Variants in CFAP298 observed in about 807,000 individuals in gnomAD.
CFAP298 encodes cilia and flagella associated protein 298.
A neutral mutation model predicts 41.0 loss-of-function variants in CFAP298; 38 were observed. The ratio of observed to expected loss-of-function variants is 0.93; its 90% CI spans 0.72 to 1.22. The LOEUF (loss-of-function observed/expected upper bound fraction) is 1.22, where lower values mean the gene tolerates loss of function less well. Among genes scored for constraint, CFAP298 ranks in the 50% most tolerant of loss-of-function variants. The pLI is 0.00. For synonymous variants in CFAP298, 137 were observed against 135.3 expected (o/e 1.01, Z -0.09); for missense variants, 348 against 360.3 (o/e 0.97, Z 0.28).
At position 32,602,375 on chromosome 21, in the gene CFAP298, G is replaced by A. The variant is rs1382465272; in HGVS notation, c.667-8C>T. 1 of 1,609,564 alleles carries A rather than the reference G, an allele frequency of 6.2e-7. No individual in the cohort carries two copies. Among genetic ancestry groups the A allele is most frequent in the Non-Finnish European group, 8.5e-7 (1 of 1,179,266 alleles). On this transcript the variant is annotated splice_region_variant and splice_polypyrimidine_tract_variant and intron_variant, in intron 5 of 6. Transcript: ENST00000290155. ...TGGAGCTCCCTGTCCCCTCTGCAAA[G>A]AGGAGAGCAGAGCAAATTGTGGATT...
At chr21:32,605,462 G>A (rs2038847639) in intron 3 of CFAP298, among the ~76,000 whole-genome samples, 1 of 152,174 alleles carries the variant, frequency 6.6e-6, no homozygotes, top group Non-Finnish European at 1.5e-5. Context: ...TAATTAGAGG[G>A]TTGGAGCTTT....
At chr21:32,605,431 G>A (rs917858443) in intron 3 of CFAP298, among the ~76,000 whole-genome samples, 1 of 152,188 alleles carries the variant, frequency 6.6e-6, no homozygotes, top group Non-Finnish European at 1.5e-5. Flanking sequence ...GGGGCTGGCC[G>A]TGCCTGGGAG....
chr21:32,607,899 C>G (rs1422164516), intron 2 of CFAP298, among the ~76,000 whole-genome samples, 183 bp from the exon 3 acceptor site: 1 of 152,170 alleles, frequency 6.6e-6, no homozygotes, highest in Non-Finnish European at 1.5e-5. Flanking sequence ...CTCTTCCCAA[C>G]AGCAGAGACC....
chr21:32,612,235 C>T lies in CFAP298; in HGVS notation c.9G>A (p.Leu3=). The T allele has an allele frequency of 6.2e-7, 1 of 1,605,596 alleles. No individual in the cohort carries two copies. The highest frequency in any genetic ancestry group is 8.5e-7 in the Non-Finnish European group (1 of 1,175,750). The part of the protein sequence containing the change: MV[L]LHVKRGDESQ... ...TCTCGTCGCCCCGCTTCACGTGCAGCAGAACCATGGCGGTCCCGCCGAGGT... is the reference window on the plus strand; with the variant it reads ...TCTCGTCGCCCCGCTTCACGTGCAGTAGAACCATGGCGGTCCCGCCGAGGT... Residue 3 remains leucine, a synonymous_variant, in exon 1 of 7, where the codon CTG becomes CTA. Coordinates refer to ENST00000290155, the MANE Select transcript of CFAP298 (RefSeq NM_021254.4).
In CFAP298 at chr21:32,601,273, G is replaced by GA. The variant is rs538262377; in HGVS notation, c.*589dup. Among the ~76,000 whole-genome samples, 4 of 124,010 alleles carry GA rather than the reference G, an allele frequency of 3.2e-5. No homozygotes were observed. The highest frequency in any genetic ancestry group is 6.8e-5 in the Non-Finnish European group (4 of 58,570). 81.4% of individuals were successfully genotyped at this position (124,010 alleles called of 152,430 possible). ...CATGAGAATATAAAACAATCAGGAA[G>GA]AAAAAAAAGTGTAGCTTTTTTTTTT... On this transcript the variant is annotated 3_prime_UTR_variant, in exon 7 of 7. Coordinates refer to ENST00000290155, the MANE Select transcript of CFAP298 (RefSeq NM_021254.4).
At chr21:32,604,040 T>C (rs2038810602) in intron 4 of CFAP298, 85 bp downstream of exon 4, 2 of 1,345,034 alleles carry the variant, frequency 1.5e-6, no homozygotes, top group South Asian at 2.5e-5. Context: ...AGCAAAACAC[T>C]ACATCCAGAA....
At position 32,609,556 on chromosome 21, in the gene CFAP298, C is replaced by T. The variant is rs573342772; in HGVS notation, c.307+282G>A. ...GAGACCGGCAGATCATCTGAGGTCA[C>T]GAGTTCGAGACCAGCCTGGCCAACA... On this transcript the variant is annotated intron_variant, in intron 2 of 6. Coordinates refer to ENST00000290155, the MANE Select transcript of CFAP298 (RefSeq NM_021254.4). 4.9e-4 allele frequency among the ~76,000 whole-genome samples: 74 copies of T among 152,240 alleles called. 1 individual carries two copies. Among genetic ancestry groups the T allele is most frequent in the African/African-American group, 1.7e-3 (70 of 41,556 alleles).
rs188667407 is a variant in CFAP298, at chr21:32,610,371, C to A, written c.140-366G>T. 3.0e-4 allele frequency among the ~76,000 whole-genome samples: 45 copies of A among 152,148 alleles called. No individual in the cohort carries two copies. The East Asian group carries it at 5.8e-3, about 20-fold the overall frequency. On this transcript the variant is annotated intron_variant, in intron 1 of 6. Coordinates refer to ENST00000290155, the MANE Select transcript of CFAP298 (RefSeq NM_021254.4). Reference sequence around the variant, plus strand: ...CTGGGACAACAGGCATGTGTCACCACGTTTTGTATTTTTAGTAGAGACTGG... The same window carrying A: ...CTGGGACAACAGGCATGTGTCACCAAGTTTTGTATTTTTAGTAGAGACTGG...
rs1469978933 is a variant in CFAP298, at chr21:32,612,182, C to T, written c.62G>A (p.Ser21Asn). 1.9e-6 allele frequency: 3 copies of T among 1,605,856 alleles called. No individual in the cohort carries two copies. The highest frequency in any genetic ancestry group is 4.5e-5 in the East Asian group (2 of 44,596). ...ESQFLLQAPG[S>N]TELEELTVQV... ...CACCGTGAGCTCCTCCAGCTCGGTA[C>T]TCCCAGGCGCCTGCAGCAGGAACTG... is the stretch of plus-strand genomic sequence containing the variant. Residue 21 changes from serine (S) to asparagine (N), a missense_variant, in exon 1 of 7, where the codon AGT (serine) becomes AAT (asparagine). By Grantham distance (46) the Ser-to-Asn change is conservative. Coordinates refer to ENST00000290155, the MANE Select transcript of CFAP298 (RefSeq NM_021254.4).
chr21:32,600,783 T>C lies in CFAP298; in HGVS notation c.*1080A>G, dbSNP rs1374266211. Among the ~76,000 whole-genome samples, 5 of 152,172 alleles carry C rather than the reference T, an allele frequency of 3.3e-5. No individual in the cohort carries two copies. Among genetic ancestry groups the C allele is most frequent in the Non-Finnish European group, 7.4e-5 (5 of 68,024 alleles). On this transcript the variant is annotated 3_prime_UTR_variant, in exon 7 of 7. Transcript: ENST00000290155. The stretch of plus-strand genomic sequence containing the variant: ...GGCCTAGAATCAGACCCCGCATCCA[T>C]AGGGAGAAATCATCACCCTCTACCG...
chr21:32,606,528 G>T (rs1157198957), intron 3 of CFAP298, among the ~76,000 whole-genome samples: 2 of 152,134 alleles, frequency 1.3e-5, no homozygotes, highest in African/African-American at 4.8e-5. Flanking sequence ...CACATGCCTA[G>T]ATGCCATCAC....
At position 32,603,277 on chromosome 21, in the gene CFAP298, T is replaced by G. The variant is rs368958300; in HGVS notation, c.550A>C (p.Ile184Leu). ...LSGTQAGLNV[I>L]KEAEAQLWWA... is the part of the protein sequence containing the mutation. ...CACAGCTGCGCCTCTGCCTCTTTAA[T>G]GACGTTGAGCCCTGCCTGGGGCCAG... The change falls in exon 5 of 7, where the codon ATT becomes CTT. Residue 184 changes from isoleucine (I) to leucine (L), a missense_variant. Transcript: ENST00000290155. 6.2e-7 allele frequency: 1 copy of G among 1,613,936 alleles called. No individual in the cohort carries two copies.
intron 6 of CFAP298, 49 bp from the exon 7 acceptor site, chr21:32,602,022 T>G: frequency 8.2e-7 from 1 of 1,215,012 alleles, no homozygotes; most frequent in Non-Finnish European, 1.2e-6. Context: ...GAAAGTGTTT[T>G]GCACATAAAG....
chr21:32,605,450 C>CATT (rs1369652370), intron 3 of CFAP298, among the ~76,000 whole-genome samples: 1 of 152,162 alleles, frequency 6.6e-6, no homozygotes, highest in African/African-American at 2.4e-5. Flanking sequence ...AGACCAAGCA[C>CATT]ATAATTAGAG....
intron 2 of CFAP298, 34 bp downstream of exon 2, chr21:32,609,804 C>G: frequency 6.3e-7 from 1 of 1,577,498 alleles, no homozygotes; most frequent in South Asian, 1.1e-5. Context: ...ATGCCTGTAT[C>G]AAGCATGCAC....
chr21:32,609,718 T>C (rs1428865295), intron 2 of CFAP298, 120 bp downstream of exon 2: 8 of 832,186 alleles, frequency 9.6e-6, no homozygotes, highest in Non-Finnish European at 1.3e-5. Flanking sequence ...TGAGCTGAGA[T>C]TGTGCCACTG....
chr21:32,611,318 C>CGT (rs71320255), intron 1 of CFAP298, among the ~76,000 whole-genome samples: 3 of 114,852 alleles, frequency 2.6e-5, no homozygotes, highest in Non-Finnish European at 5.1e-5. Flanking sequence ...ACACACATAC[C>CGT]ATATATATAT....
intron 2 of CFAP298, among the ~76,000 whole-genome samples, chr21:32,608,749 TA>T (rs1345561646): frequency 2.0e-5 from 3 of 151,900 alleles, no homozygotes; most frequent in Non-Finnish European, 4.4e-5. Flanking sequence ...CTGGTTCTCA[TA>T]TTTTTTTTCC....
chr21:32,603,177 A>G lies in CFAP298; in HGVS notation c.650T>C (p.Ile217Thr). 1.2e-6 allele frequency: 2 copies of G among 1,614,220 alleles called. No homozygotes were observed. Among genetic ancestry groups the G allele is most frequent in the Non-Finnish European group, 1.7e-6 (2 of 1,180,034 alleles). The change falls in exon 5 of 7, where the codon ATC (isoleucine) becomes ACC (threonine). Residue 217 changes from isoleucine (I) to threonine (T), a missense_variant. Coordinates refer to ENST00000290155, the MANE Select transcript of CFAP298 (RefSeq NM_021254.4). ...YVGKNEKTKI[I>T]AKIQQRGQGA... The stretch of plus-strand genomic sequence containing the variant: ...AGTACTTACTTGCTGAATCTTGGCG[A>G]TAATTTTGGTTTTTTCATTCTTCCC...
Sources: gnomAD v4.1 joint callset for allele counts (sites outside exome capture counted in the v4.1 genomes callset) on GRCh38, gnomAD v4.1.1 for gene constraint, MANE v1.5 for transcripts, NCBI Gene and HGNC (gene_info 2026-07-23, HGNC 2026-07-21) for gene names.